Variants in RAD9B observed in about 807,000 individuals in gnomAD.
RAD9B encodes cell cycle checkpoint control protein RAD9B.
RAD9B carries 41 observed loss-of-function variants against 48.3 expected under a neutral mutation model. That is an observed-to-expected ratio of 0.85 (90% CI 0.66 to 1.10). The LOEUF (loss-of-function observed/expected upper bound fraction) is 1.10. Ranked by LOEUF, RAD9B falls within the 50% of genes least tolerant of loss-of-function variation. RAD9B has a pLI of 0.00. For synonymous variants in RAD9B, 160 were observed against 157.9 expected, an observed-to-expected ratio of 1.01 and a Z score of -0.10; for missense variants, 444 against 485.1, an observed-to-expected ratio of 0.92 and a Z score of 0.80.
At chr12:110,504,045 A>T (rs765716199) in intron 2 of RAD9B, among the ~76,000 whole-genome samples, 169 bp downstream of exon 2, 1 of 152,132 alleles carries the variant, frequency 6.6e-6, no homozygotes, top group Non-Finnish European at 1.5e-5. Flanking sequence ...AGTTGAAAAT[A>T]TGCAGATAAG....
intron 4 of RAD9B, chr12:110,511,373 A>G (rs1045252813): frequency 2.7e-6 from 1 of 373,006 alleles, no homozygotes; most frequent in Non-Finnish European, 5.5e-6. Context: ...TGTAGTATAT[A>G]TACACAATGG....
chr12:110,504,526 G>GA (rs2063203152), intron 2 of RAD9B, among the ~76,000 whole-genome samples: 1 of 150,562 alleles, frequency 6.6e-6, no homozygotes, highest in Non-Finnish European at 1.5e-5. Context: ...TGCTTCTCTT[G>GA]AAAATTCAGA....
At chr12:110,506,542 G>GT (rs747675816) in intron 3 of RAD9B, 37 bp from the exon 4 acceptor site, 3 of 994,730 alleles carry the variant, frequency 3.0e-6, no homozygotes, top group Non-Finnish European at 4.8e-6. Flanking sequence ...AATCAACCAT[G>GT]TTAAGTATGT....
At chr12:110,521,271 G>A (rs762402927) in intron 9 of RAD9B, among the ~76,000 whole-genome samples, 1 of 151,942 alleles carries the variant, frequency 6.6e-6, no homozygotes, top group African/African-American at 2.4e-5. Context: ...TTCCACCTCA[G>A]CCTCCTGAGT....
rs1478612800 is a variant in RAD9B at position 110,518,779 on chromosome 12, G to GAAGGT, written c.702_702+4dup. On this transcript the variant is annotated frameshift_variant, in exon 7 of 11. Coordinates refer to ENST00000409300, the MANE Select transcript of RAD9B (RefSeq NM_001286535.2). LOFTEE classifies it high-confidence loss of function. The stretch of plus-strand genomic sequence containing the variant: ...AGATAACATTTTGTTTCAAAGAATT[G>GAAGGT]AAGGTAAATAAAGATTTGTATCAAT... 1.3e-6 allele frequency: 2 copies of GAAGGT among 1,593,846 alleles called. No homozygotes were observed. The highest frequency in any genetic ancestry group is 1.7e-6 in the Non-Finnish European group (2 of 1,167,314).
intron 4 of RAD9B, among the ~76,000 whole-genome samples, 154 bp downstream of exon 4, chr12:110,506,847 T>TC (rs1260014771): frequency 6.6e-6 from 1 of 151,864 alleles, no homozygotes; most frequent in African/African-American, 2.4e-5. Context: ...ATTATCCTTT[T>TC]TTTTTTTTTT....
intron 3 of RAD9B, 60 bp downstream of exon 3, chr12:110,505,832 T>TA (rs1169309512): frequency 1.5e-6 from 2 of 1,323,372 alleles, no homozygotes; most frequent in Non-Finnish European, 2.1e-6. Flanking sequence ...ATATAGGACA[T>TA]AACCTGTATT....
At chr12:110,502,512 C>A in intron 1 of RAD9B, 129 bp downstream of exon 1, 2 of 1,015,822 alleles carry the variant, frequency 2.0e-6, no homozygotes, top group Non-Finnish European at 2.9e-6. Context: ...GCCCTGGCCA[C>A]AGCCCCACCC....
At chr12:110,519,677 CCA>C in intron 8 of RAD9B, 115 bp from the exon 9 acceptor site, 1 of 1,113,430 alleles carries the variant, frequency 9.0e-7, no homozygotes, top group South Asian at 1.8e-5. Context: ...CTCAGATGAT[CCA>C]CCCGCCTTGG....
intron 10 of RAD9B, 90 bp downstream of exon 10, chr12:110,522,501 G>A (rs2063817616): frequency 2.3e-6 from 2 of 886,528 alleles, no homozygotes; most frequent in South Asian, 3.5e-5. Context: ...ACCCAGCCAT[G>A]TTCTGAAAAT....
chr12:110,521,094 T>G (rs1322742301), intron 9 of RAD9B, among the ~76,000 whole-genome samples: 1 of 152,198 alleles, frequency 6.6e-6, no homozygotes, highest in Non-Finnish European at 1.5e-5. Flanking sequence ...ATAGCCACTG[T>G]AACATTCTGG....
Position 110,530,111 on chromosome 12 carries a change from C to T in RAD9B, c.1126-414C>T, listed in dbSNP as rs540256864. Among the ~76,000 whole-genome samples the T allele has an allele frequency of 7.9e-5, 12 of 152,222 alleles. No individual in the cohort carries two copies. In the East Asian group the frequency reaches 1.2e-3, roughly 15 times the overall value. Reference sequence around the variant, plus strand: ...AGGCTGTAGTGCAGTGGCACGATCTCGGCTCACTGCAAGCTCCGCCTCCCG... The same window carrying T: ...AGGCTGTAGTGCAGTGGCACGATCTTGGCTCACTGCAAGCTCCGCCTCCCG... On this transcript the variant is annotated intron_variant, in intron 10 of 10. Transcript: ENST00000409300.
intron 10 of RAD9B, among the ~76,000 whole-genome samples, chr12:110,527,536 C>A (rs934066388): frequency 3.3e-5 from 5 of 152,026 alleles, no homozygotes; most frequent in African/African-American, 1.2e-4. Flanking sequence ...TGAGGATGAC[C>A]CAAGAACAGG....
intron 10 of RAD9B, among the ~76,000 whole-genome samples, chr12:110,530,253 G>C (rs1289041958): frequency 2.0e-5 from 3 of 152,074 alleles, no homozygotes; most frequent in Admixed American, 1.3e-4. Context: ...CACCATGTTA[G>C]TCAGGATGGT....
At chr12:110,520,659 T>C (rs2063757739) in intron 9 of RAD9B, among the ~76,000 whole-genome samples, 1 of 148,208 alleles carries the variant, frequency 6.7e-6, no homozygotes, top group Non-Finnish European at 1.5e-5. Flanking sequence ...TGTTTTTTTT[T>C]TGTTTTTTTG....
At chr12:110,525,665 T>C (rs927085923) in intron 10 of RAD9B, among the ~76,000 whole-genome samples, 1 of 152,076 alleles carries the variant, frequency 6.6e-6, no homozygotes, top group African/African-American at 2.4e-5. Context: ...ATAGTTACTG[T>C]TTTTCTTTTA....
chr12:110,529,775 G>A (rs972925636), intron 10 of RAD9B, among the ~76,000 whole-genome samples: 7 of 152,196 alleles, frequency 4.6e-5, no homozygotes, highest in Admixed American at 1.3e-4. Context: ...AGGCATTTGA[G>A]CATTTGAAAA....
At position 110,531,589 on chromosome 12, in the gene RAD9B, A is replaced by T. The variant is rs377565239; in HGVS notation, c.*936A>T. 4.0e-5 allele frequency: 64 copies of T among 1,606,280 alleles called. No homozygotes were observed. In the Middle Eastern group the frequency reaches 4.9e-4, roughly 12 times the overall value. Reference sequence around the variant, plus strand: ...TATTTTGCAGTGTGCTGCAGGAAAGAATTTAATGGAAGTGATGCCAAATAT... The same window carrying T: ...TATTTTGCAGTGTGCTGCAGGAAAGTATTTAATGGAAGTGATGCCAAATAT... On this transcript the variant is annotated 3_prime_UTR_variant, in exon 11 of 11. Coordinates refer to ENST00000409300, the MANE Select transcript of RAD9B (RefSeq NM_001286535.2).
chr12:110,513,294 A>G (rs1276110563), intron 5 of RAD9B, among the ~76,000 whole-genome samples: 1 of 151,720 alleles, frequency 6.6e-6, no homozygotes, highest in Non-Finnish European at 1.5e-5. Context: ...TTAAGCTGAA[A>G]TTTGACTTGG....
Sources: allele counts gnomAD v4.1 joint callset (sites outside exome capture counted in the v4.1 genomes callset), GRCh38; gene constraint gnomAD v4.1.1; transcripts MANE v1.5; gene names NCBI Gene and HGNC (gene_info 2026-07-23, HGNC 2026-07-21).